The following ELP4 variants were observed in gnomAD, a reference collection of about 807,000 sequenced individuals.
The protein encoded by ELP4 is elongator complex protein 4.
In ELP4, 51 loss-of-function variants were observed where a neutral mutation model predicts 48.9. The ratio of observed to expected loss-of-function variants is 1.04; its 90% CI spans 0.83 to 1.32. The LOEUF (loss-of-function observed/expected upper bound fraction) is 1.32, where lower values mean the gene tolerates loss of function less well. Among genes scored for constraint, ELP4 ranks in the 40% most tolerant of loss-of-function variants. ELP4 has a pLI of 0.00. For synonymous variants in ELP4, 210 were observed against 189.2 expected, an observed-to-expected ratio of 1.11 and a Z score of -0.90; for missense variants, 519 against 514.6, an observed-to-expected ratio of 1.01 and a Z score of -0.08.
intron 5 of ELP4, among the ~76,000 whole-genome samples, chr11:31,624,267 C>T (rs1450962675): frequency 4.0e-5 from 6 of 151,680 alleles, no homozygotes; most frequent in Middle Eastern, 3.2e-3. Flanking sequence ...ACAATTTCAT[C>T]GAGTGTAATT....
At chr11:31,547,280 G>A (rs995008938) in intron 3 of ELP4, among the ~76,000 whole-genome samples, 33 of 151,796 alleles carry the variant, frequency 2.2e-4, no homozygotes, top group Middle Eastern at 3.4e-3. Flanking sequence ...TCAAATAGAC[G>A]CAATAAAAAA....
At chr11:31,569,256 A>G (rs556484506) in intron 3 of ELP4, among the ~76,000 whole-genome samples, 13 of 152,276 alleles carry the variant, frequency 8.5e-5, no homozygotes, top group African/African-American at 2.9e-4. Flanking sequence ...GACAAGTGGG[A>G]CCTAATTAAA....
At chr11:31,703,645 A>T (rs1445556270) in intron 9 of ELP4, among the ~76,000 whole-genome samples, 1 of 152,088 alleles carries the variant, frequency 6.6e-6, no homozygotes, top group Non-Finnish European at 1.5e-5. Context: ...CTCTCCAGGT[A>T]CCTTACACCT....
chr11:31,630,120 C>T (rs1394979479), intron 6 of ELP4, among the ~76,000 whole-genome samples: 1 of 151,318 alleles, frequency 6.6e-6, no homozygotes, highest in Admixed American at 6.6e-5. Context: ...TCTATCATAA[C>T]TTTAACACAA....
At chr11:31,700,841 A>G (rs1565118526) in intron 9 of ELP4, among the ~76,000 whole-genome samples, 1 of 152,082 alleles carries the variant, frequency 6.6e-6, no homozygotes, top group African/African-American at 2.4e-5. Context: ...ATTGGTATGC[A>G]ATGAGAATGT....
chr11:31,723,750 T>G (rs1329423693), intron 9 of ELP4, among the ~76,000 whole-genome samples: 1 of 152,102 alleles, frequency 6.6e-6, no homozygotes, highest in African/African-American at 2.4e-5. Context: ...TCCAAAAGAT[T>G]CTTATAGGAG....
At chr11:31,591,910 C>T (rs1380890839) in intron 3 of ELP4, among the ~76,000 whole-genome samples, 3 of 151,958 alleles carry the variant, frequency 2.0e-5, no homozygotes, top group Non-Finnish European at 2.9e-5. Flanking sequence ...GAATAGTATT[C>T]GACCATAAAA....
At chr11:31,763,539 C>T (rs757063007) in intron 9 of ELP4, 3 of 1,608,980 alleles carry the variant, frequency 1.9e-6, no homozygotes, top group Admixed American at 1.7e-5. Context: ...TAATGAGCTT[C>T]CTTGCAAAGG....
chr11:31,590,184 A>G (rs981174113), intron 3 of ELP4, among the ~76,000 whole-genome samples: 3 of 152,208 alleles, frequency 2.0e-5, no homozygotes, highest in African/African-American at 7.2e-5. Context: ...TAAGTTTATT[A>G]TCGAACACTG....
intron 3 of ELP4, among the ~76,000 whole-genome samples, chr11:31,554,055 A>G (rs769338323): frequency 3.3e-5 from 5 of 152,176 alleles, no homozygotes; most frequent in Non-Finnish European, 5.9e-5. Flanking sequence ...CGCACTCCGA[A>G]TGAGAATCTA....
chr11:31,566,064 G>T (rs1039249312), intron 3 of ELP4, among the ~76,000 whole-genome samples: 1 of 152,022 alleles, frequency 6.6e-6, no homozygotes, highest in Non-Finnish European at 1.5e-5. Context: ...AGGCACGGTG[G>T]CTCATGCTTA....
At position 31,790,000 on chromosome 11, in the gene ELP4, C is replaced by T; in HGVS notation, c.*6476C>T. ...TTCCGGGAACTTGAACTGGAACTGA[C>T]ACACCAGGGGAAATGAGTCCTAGAA... On this transcript the variant is annotated 3_prime_UTR_variant, in exon 10 of 10. Coordinates refer to ENST00000640961, the MANE Select transcript of ELP4 (RefSeq NM_019040.5). 1 of 1,584,184 alleles carries T rather than the reference C, an allele frequency of 6.3e-7. No individual in the cohort carries two copies. The highest frequency in any genetic ancestry group is 2.3e-5 in the East Asian group (1 of 43,886).
rs71060492 is a variant in ELP4, at chr11:31,533,368, CTTTTTT to C, written c.260-6272_260-6267del. 5.2e-4 allele frequency among the ~76,000 whole-genome samples: 26 copies of C among 50,480 alleles called. No homozygotes were observed. In the South Asian group the frequency reaches 5.6e-3, roughly 11 times the overall value. 33.1% of individuals were successfully genotyped at this position (50,480 alleles called of 152,430 possible). On this transcript the variant is annotated intron_variant, in intron 2 of 9. Coordinates refer to ENST00000640961, the MANE Select transcript of ELP4 (RefSeq NM_019040.5). ...GTGTTGCTGCAAAAGCCATCTCATT[CTTTTTT>C]TTTTTTTTTTTTTTTTTTTTTGTGA... is the stretch of plus-strand genomic sequence containing the variant.
At chr11:31,590,824 T>A (rs1401566848) in intron 3 of ELP4, among the ~76,000 whole-genome samples, 1 of 152,112 alleles carries the variant, frequency 6.6e-6, no homozygotes, top group Non-Finnish European at 1.5e-5. Context: ...GACAATACCA[T>A]GGGGTATGAT....
At chr11:31,586,942 A>G (rs1190807648) in intron 3 of ELP4, among the ~76,000 whole-genome samples, 1 of 152,128 alleles carries the variant, frequency 6.6e-6, no homozygotes, top group East Asian at 1.9e-4. Context: ...GACCGGCCAA[A>G]TATTTTTAAA....
intron 9 of ELP4, among the ~76,000 whole-genome samples, chr11:31,737,855 T>TAAAATGTAAA (rs1947353551): frequency 6.6e-6 from 1 of 152,192 alleles, no homozygotes; most frequent in South Asian, 2.1e-4. Context: ...ATGTAAAATG[T>TAAAATGTAAA]ATAGCCACTG....
Position 31,594,793 on chromosome 11 carries a change from T to C in ELP4, c.405T>C (p.Asp135=), listed in dbSNP as rs769623140. 1.3e-6 allele frequency: 2 copies of C among 1,527,670 alleles called. No homozygotes were observed. The highest frequency in any genetic ancestry group is 2.6e-5 in the East Asian group (1 of 38,928). The allele number at this position is 1,527,670 out of a possible 1,614,324, so 94.6% of individuals were successfully genotyped here. The change falls in exon 4 of 10, where the codon GAT becomes GAC. Residue 135 remains aspartate, a synonymous_variant. Transcript: ENST00000640961. ...AGGAACTTCCAGCACCATTACTTGA[T>C]GATAAATGTAAAAAGGAATTTGATG... The part of the protein sequence containing the change: ...ILQELPAPLL[D]DKCKKEFDED...
chr11:31,784,566 A>G lies in ELP4; in HGVS notation c.*1042A>G, dbSNP rs560019738. On this transcript the variant is annotated 3_prime_UTR_variant, in exon 10 of 10. Transcript: ENST00000640961. ...GTCTTGATTTTTTAAAAGGTGTTTA[A>G]CATCCATTGGGAGAAACTGAATTTC... is the stretch of plus-strand genomic sequence containing the variant. 6.6e-6 allele frequency: 1 copy of G among 152,444 alleles called. No homozygotes were observed. Among genetic ancestry groups the G allele is most frequent in the Admixed American group, 6.5e-5 (1 of 15,314 alleles). The allele number at this position is 152,444 out of a possible 1,614,324, so 9.4% of individuals were successfully genotyped here.
chr11:31,744,147 A>G (rs1171306032), intron 9 of ELP4, among the ~76,000 whole-genome samples: 3 of 152,230 alleles, frequency 2.0e-5, no homozygotes, highest in African/African-American at 7.2e-5. Flanking sequence ...TCTGGAAGAA[A>G]TGGATAAATT....
Sources: gnomAD v4.1 joint callset for allele counts (sites outside exome capture counted in the v4.1 genomes callset) on GRCh38, gnomAD v4.1.1 for gene constraint, MANE v1.5 for transcripts, NCBI Gene and HGNC (gene_info 2026-07-23, HGNC 2026-07-21) for gene names.